Variants in RFPL1 observed in about 807,000 individuals in gnomAD.
The protein encoded by RFPL1 is ret finger protein like 1, also known as ret finger protein-like 1.
In RFPL1, 6 loss-of-function variants were observed where a neutral mutation model predicts 9.6. That is an observed-to-expected ratio of 0.62 (90% CI 0.34 to 1.23). RFPL1 has a LOEUF of 1.23. Ranked by LOEUF, RFPL1 falls within the 50% of genes most tolerant of loss-of-function variation. The pLI, the probability that RFPL1 is intolerant of heterozygous loss-of-function variation, is 0.03. For missense variants in RFPL1, 352 were observed against 398.4 expected (o/e 0.88, Z 0.99); for synonymous variants, 145 against 149.4 (o/e 0.97, Z 0.22).
At chr22:29,410,263 T>G in the RFPL1 span, among the ~76,000 whole-genome samples, 1 of 128,790 alleles carries the variant, frequency 7.8e-6, no homozygotes, top group South Asian at 2.5e-4. Context: ...TTTGTAGATA[T>G]ATATATCTAT....
At chr22:29,402,477 G>T in the RFPL1 span, among the ~76,000 whole-genome samples, 1 of 152,212 alleles carries the variant, frequency 6.6e-6, no homozygotes, top group Non-Finnish European at 1.5e-5. Context: ...TGGGAAGGAT[G>T]AGTTCAGTCC....
At chr22:29,391,260 T>A in the RFPL1 span, among the ~76,000 whole-genome samples, 1 of 152,298 alleles carries the variant, frequency 6.6e-6, no homozygotes, top group East Asian at 1.9e-4. Context: ...GATCAAGGTG[T>A]TGGCATGGCT....
At chr22:29,441,255 T>C (rs1185598708) in intron 1 of RFPL1, 1 of 437,310 alleles carries the variant, frequency 2.3e-6, no homozygotes, top group Admixed American at 3.9e-5. Flanking sequence ...GGTCATGGTG[T>C]CTGCCTTCAG....
chr22:29,408,514 G>A, the RFPL1 span, among the ~76,000 whole-genome samples: 1 of 152,222 alleles, frequency 6.6e-6, no homozygotes, highest in African/African-American at 2.4e-5. Flanking sequence ...TCCCATTGAA[G>A]ATGTGCAGGC....
the RFPL1 span, among the ~76,000 whole-genome samples, chr22:29,412,486 A>T: frequency 6.6e-6 from 1 of 152,126 alleles, no homozygotes; most frequent in Non-Finnish European, 1.5e-5. Context: ...GGTCCAGGTC[A>T]TCGAATCCAC....
the RFPL1 span, among the ~76,000 whole-genome samples, chr22:29,411,472 T>G: frequency 7.3e-6 from 1 of 136,940 alleles, no homozygotes; most frequent in East Asian, 2.5e-4. Flanking sequence ...AAAACACCTA[T>G]TGTGAACTCT....
At chr22:29,397,531 C>T in the RFPL1 span, among the ~76,000 whole-genome samples, 6 of 152,036 alleles carry the variant, frequency 3.9e-5, no homozygotes, top group East Asian at 1.9e-4. Context: ...AGTTACCTGC[C>T]GACCGATGGG....
At chr22:29,390,740 C>A in the RFPL1 span, among the ~76,000 whole-genome samples, 2 of 151,094 alleles carry the variant, frequency 1.3e-5, no homozygotes, top group South Asian at 4.2e-4. Flanking sequence ...GGACTACAGG[C>A]GCCCGCCACC....
At chr22:29,410,721 C>T in the RFPL1 span, among the ~76,000 whole-genome samples, 1 of 148,384 alleles carries the variant, frequency 6.7e-6, no homozygotes, top group Non-Finnish European at 1.5e-5. Flanking sequence ...GGCACAATCT[C>T]GGCTCAATGA....
the RFPL1 span, among the ~76,000 whole-genome samples, chr22:29,391,534 C>G: frequency 6.6e-6 from 1 of 152,184 alleles, no homozygotes; most frequent in African/African-American, 2.4e-5. Context: ...ACCAACAAAC[C>G]TAAAGGTATC....
At chr22:29,418,901 C>G in the RFPL1 span, among the ~76,000 whole-genome samples, 1 of 152,202 alleles carries the variant, frequency 6.6e-6, no homozygotes, top group African/African-American at 2.4e-5. Context: ...TCATGCCACA[C>G]CCACTCCATC....
chr22:29,390,582 T>TTTTATTTATTTTTTATTTA, the RFPL1 span, among the ~76,000 whole-genome samples: 29 of 146,926 alleles, frequency 2.0e-4, no homozygotes, highest in African/African-American at 7.3e-4. Flanking sequence ...CTTATTCCAT[T>TTTTATTTATTTTTTATTTA]TTTATTTATT....
the RFPL1 span, among the ~76,000 whole-genome samples, chr22:29,389,502 T>A: frequency 6.6e-6 from 1 of 151,234 alleles, no homozygotes; most frequent in Admixed American, 6.6e-5. Context: ...CTGGTTAACA[T>A]GGTGAAACCC....
chr22:29,430,391 C>G, the RFPL1 span, among the ~76,000 whole-genome samples: 1 of 151,934 alleles, frequency 6.6e-6, no homozygotes, highest in Non-Finnish European at 1.5e-5. Flanking sequence ...CAAATGTATC[C>G]ATACATTTGT....
At chr22:29,441,623 T>G (rs778685247) in exon 2 of RFPL1, 3 of 1,613,816 alleles carry the variant, frequency 1.9e-6, no homozygotes, top group Non-Finnish European at 2.5e-6. Flanking sequence ...AGTGGGTGCA[T>G]CACACAGAAT....
chr22:29,400,522 G>C, the RFPL1 span, among the ~76,000 whole-genome samples: 2 of 152,090 alleles, frequency 1.3e-5, no homozygotes, highest in Admixed American at 1.3e-4. Flanking sequence ...TGCCTTCTTG[G>C]GCATCATGTG....
At chr22:29,400,891 A>G in the RFPL1 span, among the ~76,000 whole-genome samples, 1 of 152,222 alleles carries the variant, frequency 6.6e-6, no homozygotes, top group African/African-American at 2.4e-5. Context: ...CCTACTGACC[A>G]GGCCCTGTGC....
chr22:29,419,831 A>AG, the RFPL1 span, among the ~76,000 whole-genome samples: 2 of 151,866 alleles, frequency 1.3e-5, no homozygotes, highest in East Asian at 3.9e-4. Context: ...AGAAAAAAAA[A>AG]GAAACTTAGA....
At chr22:29,424,219 C>T in the RFPL1 span, among the ~76,000 whole-genome samples, 1 of 152,032 alleles carries the variant, frequency 6.6e-6, no homozygotes, top group African/African-American at 2.4e-5. Flanking sequence ...AGTAGTGAAG[C>T]TCCGCCATTC....
Sources: allele counts gnomAD v4.1 joint callset (sites outside exome capture counted in the v4.1 genomes callset), GRCh38; gene constraint gnomAD v4.1.1; transcripts MANE v1.5; gene names NCBI Gene and HGNC (gene_info 2026-07-23, HGNC 2026-07-21).